Variants in EHMT1 observed in about 807,000 individuals in gnomAD.
EHMT1 encodes euchromatic histone lysine methyltransferase 1.
EHMT1 carries 15 observed loss-of-function variants against 147.2 expected under a neutral mutation model. The ratio of observed to expected loss-of-function variants is 0.10; its 90% CI spans 0.07 to 0.16. EHMT1 has a LOEUF of 0.16. Ranked by LOEUF, EHMT1 falls within the 10% of genes least tolerant of loss-of-function variation. The pLI, the probability that EHMT1 is intolerant of heterozygous loss-of-function variation, is 1.00. For missense variants in EHMT1, 1,587 were observed against 1,772.4 expected (o/e 0.90, Z 1.88); for synonymous variants, 795 against 709.6 (o/e 1.12, Z -1.91).
chr9:137,701,138 G>T (rs1943789187), intron 1 of EHMT1, among the ~76,000 whole-genome samples: 1 of 151,772 alleles, frequency 6.6e-6, no homozygotes, highest in Non-Finnish European at 1.5e-5. Flanking sequence ...CCGCCCCCAT[G>T]ATCCAGTCAG....
chr9:137,619,619 G>T (rs1392711732), intron 1 of EHMT1, among the ~76,000 whole-genome samples: 1 of 152,144 alleles, frequency 6.6e-6, no homozygotes, highest in African/African-American at 2.4e-5. Flanking sequence ...CTCCAGCCCT[G>T]CTGGCTGTCA....
In EHMT1 at chr9:137,728,323, A is replaced by G. The variant is rs540928279; in HGVS notation, c.643-26A>G. 5 of 1,614,122 alleles carry G rather than the reference A, an allele frequency of 3.1e-6. No homozygotes were observed. In the African/African-American group the frequency reaches 6.7e-5, roughly 22 times the overall value. On this transcript the variant is annotated intron_variant, in intron 3 of 26. Transcript: ENST00000460843. The stretch of plus-strand genomic sequence containing the variant: ...AGTGACCACCTGCTTATGCAGTTAT[A>G]GTTATTCACTGTCTTTGTTTTGAAG...
In EHMT1 at chr9:137,757,968, C is replaced by T. The variant is rs763936407; in HGVS notation, c.1458C>T (p.Ser486=). 2.5e-6 allele frequency: 4 copies of T among 1,614,036 alleles called. No individual in the cohort carries two copies. The South Asian group carries it at 3.3e-5, about 13-fold the overall frequency. ...GGTACATGGAAGTTTCTCTGGACTCCCTGGATCTCCGAGTCAAAGGAATTC... is the reference window on the plus strand; with the variant it reads ...GGTACATGGAAGTTTCTCTGGACTCTCTGGATCTCCGAGTCAAAGGAATTC... The part of the protein sequence containing the change: ...STGYMEVSLD[S]LDLRVKGILS... The change falls in exon 9 of 27, where the codon TCC becomes TCT. Residue 486 remains serine (S), a synonymous_variant. Transcript: ENST00000460843.
At chr9:137,674,603 G>C (rs1361642501) in intron 1 of EHMT1, among the ~76,000 whole-genome samples, 1 of 152,208 alleles carries the variant, frequency 6.6e-6, no homozygotes, top group Non-Finnish European at 1.5e-5. Flanking sequence ...CTCACCTCTT[G>C]ATGTGTGAGA....
At chr9:137,757,543 A>G (rs1949471209) in intron 8 of EHMT1, among the ~76,000 whole-genome samples, 1 of 152,196 alleles carries the variant, frequency 6.6e-6, no homozygotes. Flanking sequence ...CCATGTTTTT[A>G]TCTGTTTCTT....
intron 5 of EHMT1, 106 bp from the exon 6 acceptor site, chr9:137,743,796 C>T (rs927994243): frequency 2.9e-6 from 4 of 1,383,082 alleles, no homozygotes; most frequent in Non-Finnish European, 3.9e-6. Context: ...CCCGCCTCCC[C>T]ACAGGCCCTT....
chr9:137,716,878 A>G lies in EHMT1; in HGVS notation c.338A>G (p.Asp113Gly). 6.2e-7 allele frequency: 1 copy of G among 1,613,278 alleles called. No individual in the cohort carries two copies. Among genetic ancestry groups the G allele is most frequent in the Non-Finnish European group, 8.5e-7 (1 of 1,179,912 alleles). Residue 113 changes from aspartate to glycine, a missense_variant, in exon 3 of 27, where the codon GAC becomes GGC. Transcript: ENST00000460843. ...AAKQNHVTAD[D>G]FVQTSVIGSN... Reference sequence around the variant, plus strand: ...AAGCAAAACCACGTCACTGCCGACGACTTTGTGCAGACTTCTGTCATCGGC... The same window carrying G: ...AAGCAAAACCACGTCACTGCCGACGGCTTTGTGCAGACTTCTGTCATCGGC...
At chr9:137,691,428 T>C (rs1352140624) in intron 1 of EHMT1, among the ~76,000 whole-genome samples, 1 of 151,824 alleles carries the variant, frequency 6.6e-6, no homozygotes, top group Non-Finnish European at 1.5e-5. Flanking sequence ...TCTGCCCGCC[T>C]CAGCCTCCCA....
At position 137,731,202 on chromosome 9, in the gene EHMT1, G is replaced by C. The variant is rs192115860; in HGVS notation, c.823+2673G>C. Among the ~76,000 whole-genome samples the C allele has an allele frequency of 5.9e-4, 90 of 152,310 alleles. 1 individual carries two copies. The highest frequency in any genetic ancestry group is 4.5e-3 in the Admixed American group (69 of 15,304). On this transcript the variant is annotated intron_variant, in intron 4 of 26. Coordinates refer to ENST00000460843, the MANE Select transcript of EHMT1 (RefSeq NM_024757.5). This position sits in a 1 kb window ranked among gnomAD's most constrained non-coding sequence, Gnocchi z 4.3. ...ACCTGGAAGTGGGTGGTCCATCAGC[G>C]TGTTAGCCTAGGACAGTGTGTAAAA...
At chr9:137,789,614 T>G (rs949029191) in intron 15 of EHMT1, among the ~76,000 whole-genome samples, 1 of 152,260 alleles carries the variant, frequency 6.6e-6, no homozygotes, top group Non-Finnish European at 1.5e-5. Flanking sequence ...GGCCTCAGCC[T>G]TCTGACCTCT....
chr9:137,814,245 C>T, intron 21 of EHMT1, 186 bp from the exon 22 acceptor site: 2 of 689,344 alleles, frequency 2.9e-6, no homozygotes, highest in South Asian at 3.3e-5. Context: ...GAGCTCCCTC[C>T]CACAGGCACT....
chr9:137,698,028 A>C lies in EHMT1; in HGVS notation c.22-12939A>C, dbSNP rs371273106. On this transcript the variant is annotated intron_variant, in intron 1 of 26. Transcript: ENST00000460843. ...GGCGGTGTGGCTCGCGGAGGCCTCA[A>C]TCCCCACTGTCGTGAGGGCAGCGTG... Among the ~76,000 whole-genome samples the C allele has an allele frequency of 3.0e-3, 403 of 135,278 alleles. 1 individual carries two copies. Among genetic ancestry groups the C allele is most frequent in the African/African-American group, 9.1e-3 (313 of 34,324 alleles). The allele number at this position is 135,278 out of a possible 152,430, so 88.7% of individuals were successfully genotyped here.
rs1157117852 is a variant in EHMT1 at position 137,790,962 on chromosome 9, G to T, written c.2497G>T (p.Asp833Tyr). The change falls in exon 16 of 27, where the codon GAT (aspartate) becomes TAT (tyrosine). Residue 833 changes from aspartate to tyrosine, a missense_variant. Asp to Tyr is a radical substitution (Grantham distance 160). Coordinates refer to ENST00000460843, the MANE Select transcript of EHMT1 (RefSeq NM_024757.5). ...CCTCATCAAGGCTGGGGCCCTGGTGGATCCCAAGGTATGTTCCCCTGTCAG... is the reference window on the plus strand; with the variant it reads ...CCTCATCAAGGCTGGGGCCCTGGTGTATCCCAAGGTATGTTCCCCTGTCAG... ...KYLIKAGALV[D>Y]PKDAEGSTCL... 2 of 1,614,192 alleles carry T rather than the reference G, an allele frequency of 1.2e-6. No homozygotes were observed. The highest frequency in any genetic ancestry group is 1.7e-6 in the Non-Finnish European group (2 of 1,180,044).
intron 1 of EHMT1, among the ~76,000 whole-genome samples, chr9:137,708,782 G>C (rs1944454716): frequency 6.6e-6 from 1 of 152,158 alleles, no homozygotes; most frequent in Non-Finnish European, 1.5e-5. Flanking sequence ...GGCCTGAGTG[G>C]CATGTCCAGG....
In EHMT1 at chr9:137,771,600, G is replaced by A. The variant is rs115725299; in HGVS notation, c.1648-3509G>A. ...TGGCTGGTTGGCTTCAGCTTCTTTCGTCTTAGCTCACCACAGGCGAGCACC... is the reference window on the plus strand; with the variant it reads ...TGGCTGGTTGGCTTCAGCTTCTTTCATCTTAGCTCACCACAGGCGAGCACC... On this transcript the variant is annotated intron_variant, in intron 10 of 26. Transcript: ENST00000460843. Among the ~76,000 whole-genome samples, 107 of 152,184 alleles carry A rather than the reference G, an allele frequency of 7.0e-4. 1 individual carries two copies. Among genetic ancestry groups the A allele is most frequent in the African/African-American group, 2.1e-3 (87 of 41,494 alleles).
intron 1 of EHMT1, among the ~76,000 whole-genome samples, chr9:137,681,450 T>G (rs1470019520): frequency 2.6e-5 from 4 of 152,214 alleles, no homozygotes; most frequent in African/African-American, 9.6e-5. Flanking sequence ...CTTAATATAT[T>G]ATTGATACAA....
In EHMT1 at chr9:137,731,052, T is replaced by G. The variant is rs1947067185; in HGVS notation, c.823+2523T>G. On this transcript the variant is annotated intron_variant, in intron 4 of 26. Transcript: ENST00000460843. This position sits in a 1 kb window ranked among gnomAD's most constrained non-coding sequence, Gnocchi z 4.3. ...AAGTGTTGAGATTTTCTTTTCCTATTTTAGCTTTATTATATCGCCATCTTT... is the reference window on the plus strand; with the variant it reads ...AAGTGTTGAGATTTTCTTTTCCTATGTTAGCTTTATTATATCGCCATCTTT... 6.6e-6 allele frequency among the ~76,000 whole-genome samples: 1 copy of G among 152,238 alleles called. No individual in the cohort carries two copies. The highest frequency in any genetic ancestry group is 1.5e-5 in the Non-Finnish European group (1 of 68,052).
intron 1 of EHMT1, among the ~76,000 whole-genome samples, chr9:137,627,519 CCTCCCAAAAT>C (rs1343460294): frequency 4.0e-5 from 6 of 150,992 alleles, no homozygotes; most frequent in African/African-American, 1.5e-4. Flanking sequence ...CCCACCTCAG[CCTCCCAAAAT>C]GCTGGGATGA....
intron 26 of EHMT1, 117 bp from the exon 27 acceptor site, chr9:137,834,656 C>G: frequency 6.3e-7 from 1 of 1,596,006 alleles, no homozygotes; most frequent in South Asian, 1.1e-5. Context: ...AAACTGCGAC[C>G]TGGGATGCGG....
Sources: gnomAD v4.1 joint callset for allele counts (sites outside exome capture counted in the v4.1 genomes callset) on GRCh38, gnomAD v4.1.1 for gene constraint, Gnocchi (gnomAD v3.1) non-coding constraint, MANE v1.5 for transcripts, NCBI Gene and HGNC (gene_info 2026-07-23, HGNC 2026-07-21) for gene names.